The following TANC1 variants were observed in gnomAD, a reference collection of about 807,000 sequenced individuals.
TANC1 encodes the protein protein TANC1.
TANC1 carries 77 observed loss-of-function variants against 149.7 expected under a neutral mutation model. The observed-to-expected ratio is 0.51, with a 90% confidence interval of 0.43 to 0.62. The LOEUF (loss-of-function observed/expected upper bound fraction) is 0.62, where lower values mean the gene tolerates loss of function less well. TANC1 is among the 20% of genes least tolerant of loss of function. TANC1 has a pLI of 0.00. For synonymous variants in TANC1, 854 were observed against 925.0 expected, an observed-to-expected ratio of 0.92 and a Z score of 1.39; for missense variants, 1,985 against 2,321.8, an observed-to-expected ratio of 0.85 and a Z score of 2.98.
At chr2:159,061,212 G>A (rs975688216) in intron 2 of TANC1, among the ~76,000 whole-genome samples, 50 of 152,256 alleles carry the variant, frequency 3.3e-4, no homozygotes, top group East Asian at 2.5e-3. Flanking sequence ...TTCAGTTTTA[G>A]TTGTAGTAAC....
chr2:158,994,997 T>G (rs2036003233), intron 1 of TANC1, among the ~76,000 whole-genome samples: 1 of 152,236 alleles, frequency 6.6e-6, no homozygotes, highest in African/African-American at 2.4e-5. Flanking sequence ...GAGCTGAGTA[T>G]AAATTTAAAT....
intron 1 of TANC1, among the ~76,000 whole-genome samples, chr2:158,978,944 A>C (rs1193502074): frequency 6.6e-6 from 1 of 152,254 alleles, no homozygotes; most frequent in Non-Finnish European, 1.5e-5. Context: ...GTTTTCTTGC[A>C]TCAGAGACTT....
chr2:159,014,486 A>G (rs190391949), intron 2 of TANC1, among the ~76,000 whole-genome samples: 307 of 152,268 alleles, frequency 2.0e-3, no homozygotes, highest in Non-Finnish European at 3.8e-3. Flanking sequence ...GAGCCAAACC[A>G]TATCATTCCA....
chr2:159,030,214 G>A (rs1226249939), intron 2 of TANC1, among the ~76,000 whole-genome samples: 1 of 152,080 alleles, frequency 6.6e-6, no homozygotes, highest in Non-Finnish European at 1.5e-5. Flanking sequence ...AGATCAAAAA[G>A]CAAAGATATA....
Position 159,037,014 on chromosome 2 carries a change from AG to A in TANC1, c.-15-28881del, listed in dbSNP as rs2040243479. ...GTTCCTGTTTCTCCACATCCTCTCC[AG>A]CACCTGTTGTTTCCTGACTTTTTAA... On this transcript the variant is annotated intron_variant, in intron 2 of 26. Coordinates refer to ENST00000263635, the MANE Select transcript of TANC1 (RefSeq NM_033394.3). Among the ~76,000 whole-genome samples, 2 of 152,168 alleles carry A rather than the reference AG, an allele frequency of 1.3e-5. 1 individual carries two copies. Among genetic ancestry groups the A allele is most frequent in the Non-Finnish European group, 2.9e-5 (2 of 68,024 alleles).
chr2:159,213,134 T>C (rs56097601), intron 19 of TANC1, among the ~76,000 whole-genome samples: 24,225 of 152,076 alleles, frequency 0.16, 2,689 homozygotes, highest in Admixed American at 0.36. Flanking sequence ...GAGGATAACT[T>C]ATCTGTTTTT....
Position 159,149,251 on chromosome 2 carries a change from T to G in TANC1, c.474T>G (p.Ile158Met). 1 of 1,614,126 alleles carries G rather than the reference T, an allele frequency of 6.2e-7. No homozygotes were observed. The highest frequency in any genetic ancestry group is 8.5e-7 in the Non-Finnish European group (1 of 1,180,018). The change falls in exon 6 of 27, where the codon ATT becomes ATG. Residue 158 changes from isoleucine (I) to methionine (M), a missense_variant. Transcript: ENST00000263635. Reference protein sequence around the residue: ...EGIPSATHITIEDKNETMCTA... With the variant: ...EGIPSATHITMEDKNETMCTA... ...TCCCAAGTGCCACACACATAACCAT[T>G]GAAGACAAAAATGAAACCATGGTAA...
intron 4 of TANC1, among the ~76,000 whole-genome samples, chr2:159,133,503 C>T (rs545108541): frequency 2.0e-5 from 3 of 152,174 alleles, no homozygotes; most frequent in African/African-American, 7.2e-5. Flanking sequence ...TACAGGCAAA[C>T]GCCACCACAC....
intron 10 of TANC1, among the ~76,000 whole-genome samples, chr2:159,171,900 G>C (rs1208772460): frequency 6.9e-6 from 1 of 144,386 alleles, no homozygotes; most frequent in Non-Finnish European, 1.5e-5. Flanking sequence ...AAATTTAATA[G>C]AGGAAACTGG....
At chr2:159,067,524 G>C (rs987401323) in intron 3 of TANC1, among the ~76,000 whole-genome samples, 1 of 152,188 alleles carries the variant, frequency 6.6e-6, no homozygotes, top group African/African-American at 2.4e-5. Flanking sequence ...TTCACCCTCT[G>C]CTGGGTCAAG....
chr2:159,045,349 T>C (rs564223409), intron 2 of TANC1, among the ~76,000 whole-genome samples: 1 of 152,262 alleles, frequency 6.6e-6, no homozygotes, highest in East Asian at 1.9e-4. Context: ...TGAGAATTGC[T>C]TGAACTCGGG....
chr2:158,983,194 C>T (rs938680406), intron 1 of TANC1, among the ~76,000 whole-genome samples: 5 of 152,138 alleles, frequency 3.3e-5, no homozygotes, highest in South Asian at 2.1e-4. Context: ...TAGCCAGGCA[C>T]GGTGGCTCAC....
chr2:158,969,213 A>G (rs1355643415), intron 1 of TANC1, among the ~76,000 whole-genome samples: 2 of 151,490 alleles, frequency 1.3e-5, no homozygotes, highest in African/African-American at 2.4e-5. Flanking sequence ...TACGCCTGGT[A>G]CCTGGCGCGG....
At chr2:159,163,984 C>A (rs144455032) in intron 8 of TANC1, among the ~76,000 whole-genome samples, 1 of 152,154 alleles carries the variant, frequency 6.6e-6, no homozygotes, top group East Asian at 1.9e-4. Context: ...GCAAGAGGGC[C>A]GAATTTCTGT....
chr2:159,149,116 T>C (rs1427394307), intron 5 of TANC1, 26 bp from the exon 6 acceptor site: 1 of 1,555,386 alleles, frequency 6.4e-7, no homozygotes. Context: ...GAGGGGCATC[T>C]TCATTGTTTT....
intron 23 of TANC1, chr2:159,225,445 G>T: frequency 1.8e-6 from 1 of 560,878 alleles, no homozygotes; most frequent in East Asian, 3.0e-5. Context: ...AGTTTTCGCT[G>T]CTCGGATGCC....
At chr2:159,179,775 C>T (rs77165660) in intron 14 of TANC1, among the ~76,000 whole-genome samples, 23 of 152,264 alleles carry the variant, frequency 1.5e-4, no homozygotes, top group African/African-American at 4.6e-4. Context: ...CTGCCTGGGC[C>T]GCTGTTATCA....
intron 2 of TANC1, among the ~76,000 whole-genome samples, chr2:159,061,674 T>G (rs562239611): frequency 1.1e-3 from 165 of 152,372 alleles, no homozygotes; most frequent in Non-Finnish European, 1.8e-3. Context: ...GCCTTTCTCT[T>G]GTTAATCTTT....
chr2:159,205,042 G>A (rs1238634012), intron 19 of TANC1, among the ~76,000 whole-genome samples: 1 of 152,260 alleles, frequency 6.6e-6, no homozygotes, highest in African/African-American at 2.4e-5. Context: ...TGCAGCTGGG[G>A]TGGGTGTTTC....
Sources: gnomAD v4.1 joint callset for allele counts (sites outside exome capture counted in the v4.1 genomes callset) on GRCh38, gnomAD v4.1.1 for gene constraint, MANE v1.5 for transcripts, NCBI Gene and HGNC (gene_info 2026-07-23, HGNC 2026-07-21) for gene names.